The following AK8 variants were observed in gnomAD, a reference collection of about 807,000 sequenced individuals.
The protein encoded by AK8 is adenylate kinase 8, also known as ATP-AMP transphosphorylase 8.
Under a neutral mutation model 54.6 loss-of-function variants are expected in AK8, and 44 were observed. That is an observed-to-expected ratio of 0.81 (90% CI 0.63 to 1.04). AK8 has a LOEUF of 1.04. Among genes scored for constraint, AK8 ranks in the 50% least tolerant of loss-of-function variants. The pLI is 0.00. For synonymous variants in AK8, 239 were observed against 245.6 expected, an observed-to-expected ratio of 0.97 and a Z score of 0.25; for missense variants, 555 against 613.6, an observed-to-expected ratio of 0.90 and a Z score of 1.01.
chr9:132,751,907 C>G (rs1353039164), intron 11 of AK8, among the ~76,000 whole-genome samples: 1 of 151,628 alleles, frequency 6.6e-6, no homozygotes, highest in East Asian at 1.9e-4. Context: ...GTGGCGCGAT[C>G]TGGGCTCTGC....
intron 5 of AK8, among the ~76,000 whole-genome samples, chr9:132,842,195 G>T (rs1162030466): frequency 6.6e-6 from 1 of 152,210 alleles, no homozygotes; most frequent in Non-Finnish European, 1.5e-5. Context: ...GATGTGACTG[G>T]ATAGGGCTGC....
chr9:132,808,151 A>G (rs1840810689), intron 10 of AK8, among the ~76,000 whole-genome samples: 1 of 152,068 alleles, frequency 6.6e-6, no homozygotes, highest in South Asian at 2.1e-4. Flanking sequence ...GTACTAGTGT[A>G]AAAGTGACAG....
intron 11 of AK8, among the ~76,000 whole-genome samples, chr9:132,734,838 T>C (rs1837022105): frequency 6.6e-6 from 1 of 152,164 alleles, no homozygotes; most frequent in Admixed American, 6.5e-5. Context: ...GAGACCAGAC[T>C]GGCCAGCATG....
chr9:132,824,680 C>T (rs1409359967), intron 8 of AK8, among the ~76,000 whole-genome samples: 2 of 152,154 alleles, frequency 1.3e-5, no homozygotes, highest in Admixed American at 6.5e-5. Flanking sequence ...AAACTGCCCC[C>T]GATTGTGAAC....
intron 5 of AK8, among the ~76,000 whole-genome samples, chr9:132,847,561 C>A (rs1293741713): frequency 6.6e-6 from 1 of 152,218 alleles, no homozygotes; most frequent in Non-Finnish European, 1.5e-5. Flanking sequence ...AGCCCCCACC[C>A]CTGCTGAGGG....
At chr9:132,748,862 G>A (rs534172457) in intron 11 of AK8, among the ~76,000 whole-genome samples, 2 of 151,948 alleles carry the variant, frequency 1.3e-5, no homozygotes, top group South Asian at 2.1e-4. Flanking sequence ...TGATGAAGTG[G>A]CTAAGTTGTG....
chr9:132,818,197 C>G (rs1841415532), intron 9 of AK8, among the ~76,000 whole-genome samples: 2 of 152,134 alleles, frequency 1.3e-5, no homozygotes, highest in African/African-American at 4.8e-5. Context: ...AGCACACTTT[C>G]ACTACAAGAG....
In AK8 at chr9:132,726,663, G is replaced by A. The variant is rs527570433; in HGVS notation, c.1203-738C>T. 5.3e-5 allele frequency among the ~76,000 whole-genome samples: 8 copies of A among 152,318 alleles called. No homozygotes were observed. In the South Asian group the frequency reaches 8.3e-4, roughly 16 times the overall value. On this transcript the variant is annotated intron_variant, in intron 12 of 12. Transcript: ENST00000298545. ...CAGTGCCATGGTAAGCAGGACAGGC[G>A]CTGGCTCTGTGCCTATGGAGCTCAC...
chr9:132,800,834 C>T (rs1840413240), intron 10 of AK8, among the ~76,000 whole-genome samples: 1 of 151,832 alleles, frequency 6.6e-6, no homozygotes, highest in Non-Finnish European at 1.5e-5. Context: ...AGGCAAAAGG[C>T]AAAGACAAGA....
intron 11 of AK8, among the ~76,000 whole-genome samples, chr9:132,755,632 C>T (rs1242447049): frequency 6.6e-6 from 1 of 152,142 alleles, no homozygotes; most frequent in African/African-American, 2.4e-5. Context: ...TGCTGAGAGC[C>T]ATAAATCACC....
chr9:132,795,565 G>A (rs76577739), intron 10 of AK8, among the ~76,000 whole-genome samples: 3,186 of 152,206 alleles, frequency 0.021, 53 homozygotes, highest in Non-Finnish European at 0.034. Context: ...ATATTTTCAC[G>A]GAAAGAAGAA....
In AK8 at chr9:132,863,731, C is replaced by T; in HGVS notation, c.267G>A (p.Glu89=). The part of the protein sequence containing the change: ...KHLNSSLLTL[E]NLILNEFSYT... ...AGGAAAACTCATTTAAGATCAGGTT[C>T]TCCAGGGTGAGGAGACTGCTGTTCA... is the stretch of plus-strand genomic sequence containing the variant. Residue 89 remains glutamate, a synonymous_variant, in exon 4 of 13, where the codon GAG becomes GAA. Transcript: ENST00000298545. The T allele has an allele frequency of 6.2e-7, 1 of 1,614,174 alleles. No individual in the cohort carries two copies. Among genetic ancestry groups the T allele is most frequent in the Non-Finnish European group, 8.5e-7 (1 of 1,180,034 alleles).
At position 132,790,649 on chromosome 9, in the gene AK8, C is replaced by A. The variant is rs1305995832; in HGVS notation, c.1121+1985G>T. Among the ~76,000 whole-genome samples, 1 of 152,160 alleles carries A rather than the reference C, an allele frequency of 6.6e-6. No individual in the cohort carries two copies. Among genetic ancestry groups the A allele is most frequent in the East Asian group, 1.9e-4 (1 of 5,192 alleles). On this transcript the variant is annotated intron_variant, in intron 11 of 12. Transcript: ENST00000298545. This position sits in a 1 kb window ranked among gnomAD's most constrained non-coding sequence, Gnocchi z 4.1. ...GGACAGCCCTTATGGTCAGGAAAAA[C>A]CACCGTGTCGATCATGACACCCTGT... is the stretch of plus-strand genomic sequence containing the variant.
chr9:132,773,612 G>A (rs1272139785), intron 11 of AK8, among the ~76,000 whole-genome samples: 1 of 152,172 alleles, frequency 6.6e-6, no homozygotes, highest in Non-Finnish European at 1.5e-5. Context: ...ACTGAATAAA[G>A]TCATTGCCAT....
intron 5 of AK8, among the ~76,000 whole-genome samples, chr9:132,848,870 T>A (rs1406372389): frequency 6.7e-6 from 1 of 149,954 alleles, no homozygotes; most frequent in Non-Finnish European, 1.5e-5. Context: ...TGAAAGTCTA[T>A]GGGGAAGCTG....
At chr9:132,761,139 T>C (rs977595365) in intron 11 of AK8, among the ~76,000 whole-genome samples, 7 of 152,198 alleles carry the variant, frequency 4.6e-5, no homozygotes, top group Non-Finnish European at 1.0e-4. Context: ...AATACTGTGG[T>C]AGATTTCACC....
intron 5 of AK8, among the ~76,000 whole-genome samples, chr9:132,842,468 T>C (rs937184647): frequency 6.6e-6 from 1 of 150,832 alleles, no homozygotes; most frequent in Non-Finnish European, 1.5e-5. Context: ...TGTGAGCATG[T>C]GTAACAGGCA....
In AK8 at chr9:132,791,895, C is replaced by T. The variant is rs982689078; in HGVS notation, c.1121+739G>A. On this transcript the variant is annotated intron_variant, in intron 11 of 12. Coordinates refer to ENST00000298545, the MANE Select transcript of AK8 (RefSeq NM_152572.3). The surrounding 1 kb of genome is among the most constrained non-coding windows in gnomAD (Gnocchi z 4.0). Reference sequence around the variant, plus strand: ...CAACCAGAGAAAGCCAAATATGTTCCCTTAACCAGTCACACAGGAGGCCCC... The same window carrying T: ...CAACCAGAGAAAGCCAAATATGTTCTCTTAACCAGTCACACAGGAGGCCCC... Among the ~76,000 whole-genome samples the T allele has an allele frequency of 6.6e-5, 10 of 152,180 alleles. No homozygotes were observed. The highest frequency in any genetic ancestry group is 2.4e-4 in the African/African-American group (10 of 41,426).
intron 10 of AK8, 117 bp from the exon 11 acceptor site, chr9:132,792,892 A>C (rs751576865): frequency 8.1e-7 from 1 of 1,233,508 alleles, no homozygotes; most frequent in Non-Finnish European, 1.1e-6. Context: ...AGGTGGAGCC[A>C]CTTGGAACCA....
Sources: gnomAD v4.1 joint callset for allele counts (sites outside exome capture counted in the v4.1 genomes callset) on GRCh38, gnomAD v4.1.1 for gene constraint, Gnocchi (gnomAD v3.1) non-coding constraint, MANE v1.5 for transcripts, NCBI Gene and HGNC (gene_info 2026-07-23, HGNC 2026-07-21) for gene names.